KCNH7: variants seen among roughly 807,000 people sequenced by gnomAD.
KCNH7 encodes the protein voltage-gated inwardly rectifying potassium channel KCNH7.
A neutral mutation model predicts 120.8 loss-of-function variants in KCNH7; 49 were observed. The ratio of observed to expected loss-of-function variants is 0.41; its 90% CI spans 0.32 to 0.51. KCNH7 has a LOEUF of 0.51. KCNH7 is among the 20% of genes least tolerant of loss of function. The pLI is 0.38. For missense variants in KCNH7, 1,097 were observed against 1,446.6 expected, an observed-to-expected ratio of 0.76 and a Z score of 3.92; for synonymous variants, 547 against 516.1, an observed-to-expected ratio of 1.06 and a Z score of -0.81.
chr2:162,468,567 A>T (rs1197979246), intron 6 of KCNH7, among the ~76,000 whole-genome samples: 1 of 118,404 alleles, frequency 8.4e-6, no homozygotes, highest in African/African-American at 3.4e-5. Context: ...GTTGCCCAGG[A>T]TGGAGTGCAG....
At chr2:162,653,014 A>G (rs1365756483) in intron 2 of KCNH7, among the ~76,000 whole-genome samples, 1 of 152,104 alleles carries the variant, frequency 6.6e-6, no homozygotes, top group African/African-American at 2.4e-5. Context: ...TTTCTCATCT[A>G]ATCCTCATGG....
At chr2:162,518,219 A>C in intron 3 of KCNH7, 61 bp from the exon 4 acceptor site, 1 of 1,246,080 alleles carries the variant, frequency 8.0e-7, no homozygotes, top group Non-Finnish European at 1.1e-6. Flanking sequence ...TGTAACAAAA[A>C]CAAACATTGT....
chr2:162,711,903 C>T (rs1474795802), intron 2 of KCNH7, among the ~76,000 whole-genome samples: 2 of 151,964 alleles, frequency 1.3e-5, no homozygotes, highest in African/African-American at 4.8e-5. Flanking sequence ...ATGCTAAGGG[C>T]AATAGATATG....
rs1693429906 is a variant in KCNH7, at chr2:162,570,488, T to G, written c.308-33408A>C. Among the ~76,000 whole-genome samples the G allele has an allele frequency of 3.9e-5, 6 of 152,226 alleles. No homozygotes were observed. The South Asian group carries it at 1.2e-3, about 32-fold the overall frequency. On this transcript the variant is annotated intron_variant, in intron 2 of 15. Coordinates refer to ENST00000332142, the MANE Select transcript of KCNH7 (RefSeq NM_033272.4). ...ATGGGTCTTGACTCTTTATCCAATTTGCCAGTCTGTGTCTTTTAATTGGAG... is the reference window on the plus strand; with the variant it reads ...ATGGGTCTTGACTCTTTATCCAATTGGCCAGTCTGTGTCTTTTAATTGGAG...
rs767285600 is a variant in KCNH7 at position 162,786,908 on chromosome 2, C to T, written c.307+49629G>A. 7.2e-5 allele frequency among the ~76,000 whole-genome samples: 11 copies of T among 152,126 alleles called. No homozygotes were observed. The East Asian group carries it at 1.9e-3, about 27-fold the overall frequency. On this transcript the variant is annotated intron_variant, in intron 2 of 15. Coordinates refer to ENST00000332142, the MANE Select transcript of KCNH7 (RefSeq NM_033272.4). ...CAGGTGAAAGATTACAGCACTTGAG[C>T]GAAGCACGAGAATAAGAAAAGATGC... is the stretch of plus-strand genomic sequence containing the variant.
At chr2:162,763,519 G>A (rs138526338) in intron 2 of KCNH7, among the ~76,000 whole-genome samples, 14 of 152,186 alleles carry the variant, frequency 9.2e-5, no homozygotes, top group African/African-American at 3.1e-4. Context: ...AAAAGGATCC[G>A]TAAAGTTCCA....
intron 2 of KCNH7, among the ~76,000 whole-genome samples, chr2:162,619,792 G>A (rs968847165): frequency 6.6e-6 from 1 of 152,056 alleles, no homozygotes; most frequent in East Asian, 1.9e-4. Flanking sequence ...ACAAGACCTT[G>A]CTCCAAAACA....
chr2:162,679,480 ACTAT>A (rs1685640869), intron 2 of KCNH7, among the ~76,000 whole-genome samples: 2 of 151,598 alleles, frequency 1.3e-5, no homozygotes, highest in Non-Finnish European at 3.0e-5. Context: ...TAAAGTTAAG[ACTAT>A]TATTCTATAC....
chr2:162,497,641 C>G (rs1373077980), intron 6 of KCNH7, among the ~76,000 whole-genome samples: 2 of 152,150 alleles, frequency 1.3e-5, no homozygotes, highest in Non-Finnish European at 2.9e-5. Context: ...CTTTTGGAAT[C>G]AAATTACCTC....
intron 2 of KCNH7, among the ~76,000 whole-genome samples, chr2:162,801,906 T>C (rs2105544936): frequency 6.6e-6 from 1 of 151,918 alleles, no homozygotes; most frequent in Middle Eastern, 3.4e-3. Context: ...TGGAGTTTGT[T>C]ATTAACTAAA....
At position 162,471,260 on chromosome 2, in the gene KCNH7, A is replaced by T. The variant is rs538493226; in HGVS notation, c.1129-24817T>A. Reference sequence around the variant, plus strand: ...TGATCAATAAATTAAAAAAAAAAAAAAAAAGGTAGATTTCCTGCTCTTTGC... The same window carrying T: ...TGATCAATAAATTAAAAAAAAAAAATAAAAGGTAGATTTCCTGCTCTTTGC... On this transcript the variant is annotated intron_variant, in intron 6 of 15. Coordinates refer to ENST00000332142, the MANE Select transcript of KCNH7 (RefSeq NM_033272.4). Among the ~76,000 whole-genome samples, 27 of 152,248 alleles carry T rather than the reference A, an allele frequency of 1.8e-4. No homozygotes were observed. The South Asian group carries it at 5.6e-3, about 32-fold the overall frequency.
chr2:162,695,298 A>G (rs1397298220), intron 2 of KCNH7, among the ~76,000 whole-genome samples: 3 of 152,118 alleles, frequency 2.0e-5, no homozygotes, highest in Non-Finnish European at 4.4e-5. Context: ...TCTCTACTCA[A>G]TAGTAACCAG....
chr2:162,483,831 A>G (rs1359621208), intron 6 of KCNH7, among the ~76,000 whole-genome samples: 2 of 152,160 alleles, frequency 1.3e-5, no homozygotes, highest in Non-Finnish European at 1.5e-5. Flanking sequence ...GCAACCCTGT[A>G]TTTCTTAAAG....
At chr2:162,702,680 C>T (rs987227612) in intron 2 of KCNH7, among the ~76,000 whole-genome samples, 11 of 152,038 alleles carry the variant, frequency 7.2e-5, no homozygotes, top group African/African-American at 2.2e-4. Context: ...TAAAGCAGTG[C>T]GTCTCTAATT....
At chr2:162,657,564 GTTTA>G (rs760997504) in intron 2 of KCNH7, among the ~76,000 whole-genome samples, 5 of 152,028 alleles carry the variant, frequency 3.3e-5, no homozygotes, top group South Asian at 2.1e-4. Flanking sequence ...ATGCACTACA[GTTTA>G]TTTATCTGTT....
intron 2 of KCNH7, among the ~76,000 whole-genome samples, chr2:162,818,208 TTTG>T (rs1488579308): frequency 2.0e-5 from 3 of 152,044 alleles, no homozygotes; most frequent in African/African-American, 7.2e-5. Context: ...CAAAGATATT[TTTG>T]TTTATATCTC....
intron 3 of KCNH7, among the ~76,000 whole-genome samples, chr2:162,520,632 G>A (rs1691489428): frequency 6.6e-6 from 1 of 151,688 alleles, no homozygotes; most frequent in South Asian, 2.1e-4. Context: ...AACTAGGTAT[G>A]GTGGCATATG....
intron 2 of KCNH7, among the ~76,000 whole-genome samples, chr2:162,733,744 AAAG>A (rs1349085256): frequency 3.3e-5 from 5 of 152,210 alleles, no homozygotes; most frequent in Non-Finnish European, 7.3e-5. Context: ...GCCTGCCTAA[AAAG>A]AAGGAGCATT....
At chr2:162,486,551 T>C (rs1690099605) in intron 6 of KCNH7, among the ~76,000 whole-genome samples, 1 of 152,194 alleles carries the variant, frequency 6.6e-6, no homozygotes, top group Admixed American at 6.5e-5. Context: ...AAGAAACCTA[T>C]GTGAGCTTCA....
Sources: allele counts gnomAD v4.1 joint callset (sites outside exome capture counted in the v4.1 genomes callset), GRCh38; gene constraint gnomAD v4.1.1; transcripts MANE v1.5; gene names NCBI Gene and HGNC (gene_info 2026-07-23, HGNC 2026-07-21).